Variants in DLGAP1 observed in about 807,000 individuals in gnomAD.
DLGAP1 encodes disks large-associated protein 1.
Under a neutral mutation model 90.8 loss-of-function variants are expected in DLGAP1, and 11 were observed. The observed-to-expected ratio is 0.12, with a 90% CI of 0.08 to 0.20. DLGAP1 has a LOEUF of 0.20. Ranked by LOEUF, DLGAP1 falls within the 10% of genes least tolerant of loss-of-function variation. The pLI is 1.00. For synonymous variants in DLGAP1, 558 were observed against 540.7 expected, an observed-to-expected ratio of 1.03 and a Z score of -0.44; for missense variants, 1,050 against 1,333.8, an observed-to-expected ratio of 0.79 and a Z score of 3.31.
intron 2 of DLGAP1, among the ~76,000 whole-genome samples, chr18:4,034,169 G>C (rs951443169): frequency 1.3e-5 from 2 of 151,252 alleles, no homozygotes; most frequent in Non-Finnish European, 2.9e-5. Flanking sequence ...AGCCTCCCGA[G>C]TAGCTGGGAT....
In DLGAP1 at chr18:3,534,396, C is replaced by T. The variant is rs77419938; in HGVS notation, c.2277G>A (p.Thr759=). ...HACAADDDFD[T]DFDPSILPPP... ...GAGGCAGAATAGAGGGGTCAAAATCCGTGTCAAAGTCATCATCGGCGGCAC... is the reference window on the plus strand; with the variant it reads ...GAGGCAGAATAGAGGGGTCAAAATCTGTGTCAAAGTCATCATCGGCGGCAC... The change falls in exon 10 of 13, where the codon ACG becomes ACA. Residue 759 remains threonine, a synonymous_variant. Coordinates refer to ENST00000315677, the MANE Select transcript of DLGAP1 (RefSeq NM_004746.4). 6.6e-5 allele frequency: 107 copies of T among 1,614,124 alleles called. No homozygotes were observed. In the East Asian group the frequency reaches 1.9e-3, roughly 29 times the overall value.
At chr18:4,206,820 C>T (rs1237992121) in intron 1 of DLGAP1, among the ~76,000 whole-genome samples, 1 of 152,062 alleles carries the variant, frequency 6.6e-6, no homozygotes, top group East Asian at 1.9e-4. Context: ...CCATTCATTC[C>T]CTGGTTTGCA....
In DLGAP1 at chr18:3,744,747, T is replaced by C. The variant is rs539992381; in HGVS notation, c.1173-2235A>G. ...TTTTAGTAGAGATGGGGTTTCACCATGTTGGCCCGGCTGGTCTCAGACTCC... is the reference window on the plus strand; with the variant it reads ...TTTTAGTAGAGATGGGGTTTCACCACGTTGGCCCGGCTGGTCTCAGACTCC... On this transcript the variant is annotated intron_variant, in intron 5 of 12. Coordinates refer to ENST00000315677, the MANE Select transcript of DLGAP1 (RefSeq NM_004746.4). Among the ~76,000 whole-genome samples the C allele has an allele frequency of 2.0e-5, 3 of 152,298 alleles. No individual in the cohort carries two copies. The East Asian group carries it at 5.8e-4, about 29-fold the overall frequency.
chr18:3,555,143 A>C (rs2053677804), intron 9 of DLGAP1, among the ~76,000 whole-genome samples: 1 of 152,220 alleles, frequency 6.6e-6, no homozygotes, highest in South Asian at 2.1e-4. Context: ...GCAAAATCAT[A>C]AAAGAATTAA....
In DLGAP1 at chr18:3,879,879, G is replaced by A. The variant is rs765812538; in HGVS notation, c.190C>T (p.Pro64Ser). Reference protein sequence around the residue: ...QAECVGPFSDPLASSTFPRRH... With the variant: ...QAECVGPFSDSLASSTFPRRH... ...CGGGGGAAGGTGCTGCTGGCCAGCG[G>A]GTCGCTGAAGGGGCCCACGCACTCA... The change falls in exon 4 of 13, where the codon CCG becomes TCG. Residue 64 changes from proline (P) to serine (S), a missense_variant. By Grantham distance (74) the Pro-to-Ser change is moderately conservative. This residue lies in a region of DLGAP1 where 485 missense variants were observed against 454.1 expected (regional missense o/e 1.07). Coordinates refer to ENST00000315677, the MANE Select transcript of DLGAP1 (RefSeq NM_004746.4). The surrounding 1 kb of genome is among the most constrained non-coding windows in gnomAD (Gnocchi z 6.6). 6.2e-7 allele frequency: 1 copy of A among 1,611,278 alleles called. No individual in the cohort carries two copies. The highest frequency in any genetic ancestry group is 8.5e-7 in the Non-Finnish European group (1 of 1,179,550).
chr18:4,130,013 C>T (rs570948110), intron 2 of DLGAP1, among the ~76,000 whole-genome samples: 2 of 152,186 alleles, frequency 1.3e-5, no homozygotes, highest in African/African-American at 2.4e-5. Flanking sequence ...CTTAATGGTG[C>T]CCTCATTTGA....
chr18:3,773,707 C>T (rs1477810743), intron 5 of DLGAP1, among the ~76,000 whole-genome samples: 2 of 152,138 alleles, frequency 1.3e-5, no homozygotes, highest in Non-Finnish European at 2.9e-5. Context: ...ATAGTAAGTG[C>T]TATTTGTTTT....
chr18:3,667,848 C>T (rs879629326), intron 7 of DLGAP1, among the ~76,000 whole-genome samples: 1 of 152,124 alleles, frequency 6.6e-6, no homozygotes, highest in Admixed American at 6.5e-5. Flanking sequence ...CTAGAATATG[C>T]CACTGTGGCA....
chr18:3,874,574 A>C, intron 4 of DLGAP1: 3 of 1,505,598 alleles, frequency 2.0e-6, no homozygotes, highest in Non-Finnish European at 2.6e-6. Flanking sequence ...CTATCTCTGA[A>C]CCTCTTCCTA....
chr18:3,646,842 T>A (rs12606137), intron 7 of DLGAP1, among the ~76,000 whole-genome samples: 11 of 151,890 alleles, frequency 7.2e-5, no homozygotes, highest in African/African-American at 2.2e-4. Context: ...GGAGAATGGC[T>A]TGAACCCGGG....
At chr18:3,920,158 C>G (rs1300416900) in intron 3 of DLGAP1, among the ~76,000 whole-genome samples, 1 of 152,068 alleles carries the variant, frequency 6.6e-6, no homozygotes, top group Non-Finnish European at 1.5e-5. Flanking sequence ...GCCTGGCCAA[C>G]ACGGTGAAAC....
At chr18:4,227,358 A>G (rs944816514) in intron 1 of DLGAP1, among the ~76,000 whole-genome samples, 7 of 152,078 alleles carry the variant, frequency 4.6e-5, no homozygotes, top group African/African-American at 1.4e-4. Flanking sequence ...TGGACCTAAT[A>G]GATATTTACA....
chr18:3,809,666 A>C (rs1418232983), intron 5 of DLGAP1, among the ~76,000 whole-genome samples: 2 of 152,198 alleles, frequency 1.3e-5, no homozygotes, highest in Admixed American at 6.5e-5. Context: ...AATTTTTCTT[A>C]GTGCTTGGAT....
At chr18:4,449,011 C>T (rs781193480) in intron 1 of DLGAP1, among the ~76,000 whole-genome samples, 1 of 152,186 alleles carries the variant, frequency 6.6e-6, no homozygotes, top group East Asian at 1.9e-4. Context: ...GGGCCACTGT[C>T]TCTGGTCTCC....
chr18:4,150,004 A>G (rs2076647773), intron 2 of DLGAP1, among the ~76,000 whole-genome samples: 1 of 152,222 alleles, frequency 6.6e-6, no homozygotes, highest in East Asian at 1.9e-4. Context: ...CTCCTGCTGC[A>G]CATCTTTCTA....
rs372955808 is a variant in DLGAP1, at chr18:4,154,109, C to T, written c.-266-2822G>A. On this transcript the variant is annotated intron_variant, in intron 1 of 12. Transcript: ENST00000315677. The stretch of plus-strand genomic sequence containing the variant: ...ACGGAATCTTGCTCTGTCATCCAGG[C>T]TGGAGTGCAGTGGTGCGATCATAGC... 2.0e-4 allele frequency among the ~76,000 whole-genome samples: 31 copies of T among 152,254 alleles called. No individual in the cohort carries two copies. In the South Asian group the frequency reaches 5.6e-3, roughly 27 times the overall value.
chr18:4,381,075 C>T (rs1208242544), intron 1 of DLGAP1, among the ~76,000 whole-genome samples: 1 of 151,940 alleles, frequency 6.6e-6, no homozygotes, highest in Non-Finnish European at 1.5e-5. Flanking sequence ...TAGTATCACC[C>T]AGGTGGTTAA....
chr18:3,877,094 T>C (rs2148819795), intron 4 of DLGAP1, among the ~76,000 whole-genome samples: 1 of 152,262 alleles, frequency 6.6e-6, no homozygotes, highest in South Asian at 2.1e-4. Flanking sequence ...GTCAGTTTCT[T>C]CTCTTATAAA....
intron 1 of DLGAP1, among the ~76,000 whole-genome samples, chr18:4,380,886 T>C (rs2082100705): frequency 6.6e-6 from 1 of 152,180 alleles, no homozygotes; most frequent in African/African-American, 2.4e-5. Context: ...GCTGCCAATA[T>C]GGTTCTCCAC....
Sources: gnomAD v4.1 joint callset for allele counts (sites outside exome capture counted in the v4.1 genomes callset) on GRCh38, gnomAD v4.1.1 for gene constraint, gnomAD v4.1.1 regional missense constraint, Gnocchi (gnomAD v3.1) non-coding constraint, MANE v1.5 for transcripts, NCBI Gene and HGNC (gene_info 2026-07-23, HGNC 2026-07-21) for gene names.